CSMD1: variants seen among roughly 807,000 people sequenced by gnomAD.
CSMD1 encodes CUB and sushi domain-containing protein 1.
Under a neutral mutation model 417.5 loss-of-function variants are expected in CSMD1, and 213 were observed. The ratio of observed to expected loss-of-function variants is 0.51; its 90% CI spans 0.46 to 0.57. CSMD1 has a LOEUF of 0.57. Among genes scored for constraint, CSMD1 ranks in the 20% least tolerant of loss-of-function variants. The pLI, the probability that CSMD1 is intolerant of heterozygous loss-of-function variation, is 0.00. For synonymous variants in CSMD1, 2,862 were observed against 1,736.8 expected (o/e 1.65, Z -16.11); for missense variants, 6,923 against 4,529.7 (o/e 1.53, Z -15.17).
intron 54 of CSMD1, among the ~76,000 whole-genome samples, chr8:2,992,543 C>T (rs1806488834): frequency 6.6e-6 from 1 of 151,910 alleles, no homozygotes. Flanking sequence ...CCTGCCTCAG[C>T]CTTCTGAGTA....
chr8:4,915,331 A>G (rs1805980123), intron 1 of CSMD1, among the ~76,000 whole-genome samples: 1 of 152,210 alleles, frequency 6.6e-6, no homozygotes, highest in Non-Finnish European at 1.5e-5. Flanking sequence ...TGCAATGGTA[A>G]AAAGCTAACT....
At chr8:4,278,651 G>A (rs934271543) in intron 3 of CSMD1, among the ~76,000 whole-genome samples, 1 of 152,140 alleles carries the variant, frequency 6.6e-6, no homozygotes, top group Non-Finnish European at 1.5e-5. Flanking sequence ...AACATAAAGT[G>A]TAGCTTTTTA....
intron 10 of CSMD1, among the ~76,000 whole-genome samples, chr8:3,499,784 G>T (rs1050084252): frequency 6.6e-6 from 1 of 152,014 alleles, no homozygotes; most frequent in East Asian, 1.9e-4. Context: ...GGCTGTGGTG[G>T]GATGATGGCT....
intron 2 of CSMD1, among the ~76,000 whole-genome samples, chr8:4,620,411 A>T (rs1801708296): frequency 6.6e-6 from 1 of 151,592 alleles, no homozygotes; most frequent in Non-Finnish European, 1.5e-5. Context: ...AAACTTAAAT[A>T]ATTTGACCAG....
chr8:4,141,617 A>T (rs984970602), intron 3 of CSMD1, among the ~76,000 whole-genome samples: 9 of 150,444 alleles, frequency 6.0e-5, no homozygotes, highest in Admixed American at 3.3e-4. Flanking sequence ...CGATTCCTCC[A>T]CTATATTTTC....
intron 5 of CSMD1, among the ~76,000 whole-genome samples, chr8:3,827,606 T>G (rs970779286): frequency 6.6e-6 from 1 of 152,200 alleles, no homozygotes; most frequent in African/African-American, 2.4e-5. Flanking sequence ...TGAAATGAAC[T>G]ATTCATATGG....
At chr8:3,405,083 G>C (rs1414505997) in intron 15 of CSMD1, among the ~76,000 whole-genome samples, 1 of 152,088 alleles carries the variant, frequency 6.6e-6, no homozygotes, top group Non-Finnish European at 1.5e-5. Flanking sequence ...ATAATCAATA[G>C]TATGATTAGG....
rs966090204 is a variant in CSMD1 at position 4,070,194 on chromosome 8, C to CT, written c.416-38096dup. 1.1e-4 allele frequency among the ~76,000 whole-genome samples: 17 copies of CT among 152,044 alleles called. No homozygotes were observed. The East Asian group carries it at 1.4e-3, about 12-fold the overall frequency. On this transcript the variant is annotated intron_variant, in intron 3 of 69. Transcript: ENST00000635120. ...TTTTAGAGGTGCATTTACCAAACCTCTTTTTTTCTGTGTTTCTTGTCTTTT... is the reference window on the plus strand; with the variant it reads ...TTTTAGAGGTGCATTTACCAAACCTCTTTTTTTTCTGTGTTTCTTGTCTTTT...
chr8:4,084,859 G>C (rs1161466963), intron 3 of CSMD1, among the ~76,000 whole-genome samples: 2 of 147,548 alleles, frequency 1.4e-5, no homozygotes, highest in Non-Finnish European at 3.0e-5. Flanking sequence ...AATGACAAAA[G>C]CATGGTCTAA....
chr8:4,307,112 C>T (rs189858236), intron 3 of CSMD1, among the ~76,000 whole-genome samples: 18 of 152,194 alleles, frequency 1.2e-4, no homozygotes, highest in African/African-American at 3.4e-4. Flanking sequence ...TCTACAAGGC[C>T]GGCTGCCTCC....
At chr8:4,660,463 G>A (rs1585408487) in intron 1 of CSMD1, among the ~76,000 whole-genome samples, 1 of 151,908 alleles carries the variant, frequency 6.6e-6, no homozygotes, top group Non-Finnish European at 1.5e-5. Context: ...TTGACACACA[G>A]GTTTATTGCA....
chr8:4,934,970 C>A (rs1432877771), intron 1 of CSMD1, among the ~76,000 whole-genome samples: 9 of 152,326 alleles, frequency 5.9e-5, no homozygotes, highest in African/African-American at 1.9e-4. Context: ...CTATATCTAT[C>A]ATCTATCAAT....
rs141053691 is a variant in CSMD1 at position 4,762,640 on chromosome 8, G to A, written c.86-125082C>T. 2.6e-3 allele frequency among the ~76,000 whole-genome samples: 399 copies of A among 152,178 alleles called. 4 individuals carry two copies. Among genetic ancestry groups the A allele is most frequent in the Non-Finnish European group, 3.7e-3 (253 of 68,010 alleles). On this transcript the variant is annotated intron_variant, in intron 1 of 69. Transcript: ENST00000635120. ...GCCCCGCATTTGCATAGGACGCAGC[G>A]TCTCCACCTCTGCTGTAGCTGTGTG... is the stretch of plus-strand genomic sequence containing the variant.
chr8:4,197,717 A>G (rs991409862), intron 3 of CSMD1, among the ~76,000 whole-genome samples: 1 of 152,134 alleles, frequency 6.6e-6, no homozygotes, highest in Non-Finnish European at 1.5e-5. Flanking sequence ...TGTCTCTACT[A>G]AAAATACAAA....
chr8:3,689,155 G>A (rs994041116), intron 7 of CSMD1, among the ~76,000 whole-genome samples: 17 of 152,106 alleles, frequency 1.1e-4, no homozygotes, highest in African/African-American at 3.9e-4. Context: ...GAGACAACGC[G>A]CTCTAAGGTT....
chr8:4,330,650 C>G (rs1416093734), intron 3 of CSMD1, among the ~76,000 whole-genome samples: 1 of 151,634 alleles, frequency 6.6e-6, no homozygotes, highest in Non-Finnish European at 1.5e-5. Context: ...TTTGTTTTCA[C>G]AACCTCTTAT....
chr8:4,331,011 C>G (rs1197375863), intron 3 of CSMD1, among the ~76,000 whole-genome samples: 1 of 152,152 alleles, frequency 6.6e-6, no homozygotes, highest in African/African-American at 2.4e-5. Flanking sequence ...GCCGTAAGTT[C>G]TTAGTGCATT....
chr8:4,960,444 G>A (rs1204644069), intron 1 of CSMD1, among the ~76,000 whole-genome samples: 1 of 152,108 alleles, frequency 6.6e-6, no homozygotes, highest in Admixed American at 6.6e-5. Flanking sequence ...ACTTTCACCT[G>A]GCATGTGCTG....
intron 26 of CSMD1, among the ~76,000 whole-genome samples, chr8:3,252,684 C>A (rs1243431519): frequency 6.6e-6 from 1 of 152,182 alleles, no homozygotes; most frequent in East Asian, 1.9e-4. Context: ...GTGAATCCAT[C>A]TGGTCCTGGA....
Sources: gnomAD v4.1 joint callset for allele counts (sites outside exome capture counted in the v4.1 genomes callset) on GRCh38, gnomAD v4.1.1 for gene constraint, MANE v1.5 for transcripts, NCBI Gene and HGNC (gene_info 2026-07-23, HGNC 2026-07-21) for gene names.